Variants in ELMOD1 observed in about 807,000 individuals in gnomAD.
The protein encoded by ELMOD1 is ELMO domain containing 1, also known as ELMO domain-containing protein 1.
ELMOD1 carries 21 observed loss-of-function variants against 46.7 expected under a neutral mutation model. That is an observed-to-expected ratio of 0.45 (90% confidence interval 0.32 to 0.65). The LOEUF (loss-of-function observed/expected upper bound fraction) is 0.65, where lower values mean the gene tolerates loss of function less well. ELMOD1 is among the 30% of genes least tolerant of loss of function. ELMOD1 has a pLI of 0.04. For missense variants in ELMOD1, 348 were observed against 407.8 expected (o/e 0.85, Z 1.26); for synonymous variants, 122 against 138.2 (o/e 0.88, Z 0.82).
chr11:107,640,113 C>T (rs1290402386), intron 6 of ELMOD1, among the ~76,000 whole-genome samples: 1 of 152,152 alleles, frequency 6.6e-6, no homozygotes, highest in Non-Finnish European at 1.5e-5. Flanking sequence ...AAGCAATTCT[C>T]CAGCCTCAGC....
At chr11:107,650,694 G>A (rs1866511100) in intron 8 of ELMOD1, among the ~76,000 whole-genome samples, 191 bp from the exon 9 acceptor site, 1 of 152,126 alleles carries the variant, frequency 6.6e-6, no homozygotes, top group Admixed American at 6.6e-5. Flanking sequence ...CAGGGTCTGG[G>A]GGAAAGAGTC....
chr11:107,618,219 G>A lies in ELMOD1; in HGVS notation c.17+13G>A, dbSNP rs114208327. 1.6e-3 allele frequency: 2,460 copies of A among 1,560,290 alleles called. 37 individuals carry two copies. The African/African-American group carries it at 0.029, about 19-fold the overall frequency. The stretch of plus-strand genomic sequence containing the variant: ...AGCACTTCCTGAGGTATGTGTTTAC[G>A]GTTCCCTGGCTGAGCCCTCTGCAGT... On this transcript the variant is annotated intron_variant, in intron 2 of 11. Transcript: ENST00000265840.
chr11:107,625,570 A>G (rs1866027250), intron 2 of ELMOD1: 10 of 985,140 alleles, frequency 1.0e-5, no homozygotes, highest in African/African-American at 1.7e-5. Context: ...AAGGGGCTAC[A>G]TGGTTTTAGG....
intron 6 of ELMOD1, among the ~76,000 whole-genome samples, chr11:107,644,560 C>T (rs987362625): frequency 5.3e-5 from 8 of 151,942 alleles, no homozygotes; most frequent in Non-Finnish European, 8.8e-5. Context: ...CTGGAGGCTC[C>T]GCCTCCCGGG....
chr11:107,610,334 T>A (rs1865753774), intron 1 of ELMOD1, among the ~76,000 whole-genome samples: 1 of 152,184 alleles, frequency 6.6e-6, no homozygotes, highest in Admixed American at 6.5e-5. Context: ...TTTTTCTATA[T>A]GTAACTAATA....
chr11:107,659,551 A>T (rs694990), intron 11 of ELMOD1, among the ~76,000 whole-genome samples: 3,933 of 151,148 alleles, frequency 0.026, 56 homozygotes, highest in South Asian at 0.065. Context: ...AGTTAGAATC[A>T]TAAAGAATTG....
At chr11:107,605,750 G>A (rs1463093088) in intron 1 of ELMOD1, among the ~76,000 whole-genome samples, 2 of 152,198 alleles carry the variant, frequency 1.3e-5, no homozygotes, top group African/African-American at 4.8e-5. Context: ...TCATTTTAAT[G>A]AGTGTCAGCA....
Position 107,630,508 on chromosome 11 carries a change from C to G in ELMOD1, c.109C>G (p.Leu37Val). ...VMRKLTGRCE[L>V]QRICYNTKPG... ...GAGGAAGCTAACTGGAAGATGTGAACTACAACGGATCTGTTATAATACCAA... is the reference window on the plus strand; with the variant it reads ...GAGGAAGCTAACTGGAAGATGTGAAGTACAACGGATCTGTTATAATACCAA... Residue 37 changes from leucine to valine, a missense_variant, in exon 3 of 12, where the codon CTA becomes GTA. Physicochemically the swap from Leu to Val is conservative, Grantham distance 32. Coordinates refer to ENST00000265840, the MANE Select transcript of ELMOD1 (RefSeq NM_018712.4). 1 of 1,610,200 alleles carries G rather than the reference C, an allele frequency of 6.2e-7. No homozygotes were observed. Among genetic ancestry groups the G allele is most frequent in the Non-Finnish European group, 8.5e-7 (1 of 1,178,184 alleles).
At chr11:107,593,263 A>G (rs1865435243) in intron 1 of ELMOD1, 1 of 152,312 alleles carries the variant, frequency 6.6e-6, no homozygotes, top group African/African-American at 2.4e-5. Flanking sequence ...CTGCTGATTT[A>G]ATTGAAAATA....
At chr11:107,618,280 C>CCTAACCAGTG in intron 2 of ELMOD1, 74 bp downstream of exon 2, 3 of 1,480,508 alleles carry the variant, frequency 2.0e-6, no homozygotes, top group Non-Finnish European at 2.8e-6. Context: ...GTAATATTAC[C>CCTAACCAGTG]AGTCATCGTT....
chr11:107,601,416 C>CTTTTTTT (rs56341702), intron 1 of ELMOD1, among the ~76,000 whole-genome samples: 3 of 122,120 alleles, frequency 2.5e-5, no homozygotes, highest in Non-Finnish European at 3.4e-5. Context: ...TTAATTTTTT[C>CTTTTTTT]TTTTTTTTTT....
rs1289888393 is a variant in ELMOD1 at position 107,618,091 on chromosome 11, AT to A, written c.-85-11del. On this transcript the variant is annotated splice_polypyrimidine_tract_variant and intron_variant, in intron 1 of 11. Coordinates refer to ENST00000265840, the MANE Select transcript of ELMOD1 (RefSeq NM_018712.4). Reference sequence around the variant, plus strand: ...TATTAGTAAATATACCTAATATCTAATTTCTTCCCACAGTTGACACTTACTT... The same window carrying A: ...TATTAGTAAATATACCTAATATCTAATTCTTCCCACAGTTGACACTTACTT... 7 of 1,369,516 alleles carry A rather than the reference AT, an allele frequency of 5.1e-6. No individual in the cohort carries two copies. In the East Asian group the frequency reaches 1.8e-4, roughly 34 times the overall value. 84.8% of individuals were successfully genotyped at this position (1,369,516 alleles called of 1,614,324 possible). A position where few individuals can be genotyped will look rare whatever the true frequency, so the allele number is the denominator to read the frequency against.
At chr11:107,594,748 C>T in intron 1 of ELMOD1, among the ~76,000 whole-genome samples, 1 of 152,182 alleles carries the variant, frequency 6.6e-6, no homozygotes, top group East Asian at 1.9e-4. Context: ...TTGGTTTTAG[C>T]AAATCTGTTG....
At position 107,665,506 on chromosome 11, in the gene ELMOD1, G is replaced by C. The variant is rs952746294; in HGVS notation, c.*309G>C. 8.2e-6 allele frequency: 2 copies of C among 243,672 alleles called. No homozygotes were observed. Among genetic ancestry groups the C allele is most frequent in the Non-Finnish European group, 1.6e-5 (2 of 127,026 alleles). The allele number at this position is 243,672 out of a possible 1,614,324, so 15.1% of individuals were successfully genotyped here. On this transcript the variant is annotated 3_prime_UTR_variant, in exon 12 of 12. Coordinates refer to ENST00000265840, the MANE Select transcript of ELMOD1 (RefSeq NM_018712.4). ...CTCTCCCTCATAATTCAGCATTAAA[G>C]AATTGTATTTCTCTAGCTGTATTTT...
At chr11:107,650,298 A>C (rs1404003891) in intron 7 of ELMOD1, 37 bp from the exon 8 acceptor site, 2 of 1,461,068 alleles carry the variant, frequency 1.4e-6, no homozygotes, top group Non-Finnish European at 1.9e-6. Flanking sequence ...CGAGTAAGCA[A>C]GTATAGAGTT....
intron 9 of ELMOD1, 47 bp from the exon 10 acceptor site, chr11:107,654,125 A>G (rs1007833691): frequency 4.0e-6 from 6 of 1,486,804 alleles, no homozygotes; most frequent in African/African-American, 1.4e-5. Context: ...ACAAGTACCA[A>G]TTAGAGGTTA....
chr11:107,652,718 C>T (rs1866547329), intron 9 of ELMOD1, among the ~76,000 whole-genome samples: 1 of 152,024 alleles, frequency 6.6e-6, no homozygotes, highest in Non-Finnish European at 1.5e-5. Context: ...GTTTGTTAGC[C>T]AGAAGTTACA....
intron 2 of ELMOD1, among the ~76,000 whole-genome samples, chr11:107,620,931 A>G (rs1277702493): frequency 6.6e-6 from 1 of 152,220 alleles, no homozygotes; most frequent in Non-Finnish European, 1.5e-5. Context: ...ACATATCTAC[A>G]TGTGATCAGA....
chr11:107,609,040 G>T (rs1416275407), intron 1 of ELMOD1, among the ~76,000 whole-genome samples: 7 of 152,184 alleles, frequency 4.6e-5, no homozygotes, highest in Non-Finnish European at 1.0e-4. Context: ...ACCTTGGAAG[G>T]TTCCTTACCC....
Sources: allele counts gnomAD v4.1 joint callset (sites outside exome capture counted in the v4.1 genomes callset), GRCh38; gene constraint gnomAD v4.1.1; transcripts MANE v1.5; gene names NCBI Gene and HGNC (gene_info 2026-07-23, HGNC 2026-07-21).